EIF4G3: variants seen among roughly 807,000 people sequenced by gnomAD.
EIF4G3 encodes eIF-4-gamma 3.
A neutral mutation model predicts 186.4 loss-of-function variants in EIF4G3; 34 were observed. The ratio of observed to expected loss-of-function variants is 0.18; its 90% CI spans 0.14 to 0.24. EIF4G3 has a LOEUF of 0.24. Among genes scored for constraint, EIF4G3 ranks in the 10% least tolerant of loss-of-function variants. The pLI is 1.00. For synonymous variants in EIF4G3, 673 were observed against 679.5 expected, an observed-to-expected ratio of 0.99 and a Z score of 0.15; for missense variants, 1,536 against 1,948.5, an observed-to-expected ratio of 0.79 and a Z score of 3.99.
intron 2 of EIF4G3, among the ~76,000 whole-genome samples, chr1:21,163,822 A>C (rs1459015512): frequency 2.6e-5 from 4 of 152,108 alleles, no homozygotes; most frequent in Admixed American, 1.3e-4. Context: ...CCCAGGCTGG[A>C]GTACAGTGGC....
chr1:20,998,864 G>A, intron 6 of EIF4G3: 2 of 426,650 alleles, frequency 4.7e-6, no homozygotes, highest in South Asian at 1.7e-5. Context: ...TATATTTAAG[G>A]AGCAAAAATA....
Position 21,024,675 on chromosome 1 carries a change from A to G in EIF4G3, c.-66-21867T>C, listed in dbSNP as rs544957704. On this transcript the variant is annotated intron_variant, in intron 4 of 36. Coordinates refer to ENST00000602326, the MANE Select transcript of EIF4G3 (RefSeq NM_001391906.1). ...GGCGGTGCAAGATGTGCTTTGTTAA[A>G]CAGATGCCTGAAGGCAGCATGCTCG... 4.8e-4 allele frequency among the ~76,000 whole-genome samples: 72 copies of G among 150,412 alleles called. No homozygotes were observed. In the East Asian group the frequency reaches 0.013, roughly 28 times the overall value.
Position 21,074,437 on chromosome 1 carries a change from C to T in EIF4G3, c.-196+14701G>A, listed in dbSNP as rs142054002. Reference sequence around the variant, plus strand: ...AGAATGCCTAACATTATGAAAATATCTAAATGCTATCATCTCGTATTTAAA... The same window carrying T: ...AGAATGCCTAACATTATGAAAATATTTAAATGCTATCATCTCGTATTTAAA... On this transcript the variant is annotated intron_variant, in intron 3 of 36. Transcript: ENST00000602326. Among the ~76,000 whole-genome samples the T allele has an allele frequency of 7.2e-3, 1,098 of 152,186 alleles. 8 individuals are homozygous for T. Among genetic ancestry groups the T allele is most frequent in the Non-Finnish European group, 0.012 (810 of 68,006 alleles).
intron 2 of EIF4G3, among the ~76,000 whole-genome samples, chr1:21,096,164 C>T (rs1253975233): frequency 6.6e-6 from 1 of 152,138 alleles, no homozygotes; most frequent in Non-Finnish European, 1.5e-5. Context: ...CAGAAGATGA[C>T]TGCATAAAGA....
chr1:20,831,044 C>T (rs540058943), intron 30 of EIF4G3, among the ~76,000 whole-genome samples: 1 of 152,278 alleles, frequency 6.6e-6, no homozygotes, highest in African/African-American at 2.4e-5. Flanking sequence ...TACATCATAC[C>T]CTTGCCTCTT....
At chr1:20,949,919 ACT>A (rs1491556272) in intron 13 of EIF4G3, 82 bp downstream of exon 13, 3 of 1,139,870 alleles carry the variant, frequency 2.6e-6, no homozygotes, top group Middle Eastern at 2.2e-4. Flanking sequence ...TGGATGCTGT[ACT>A]CTTACTCTTG....
intron 10 of EIF4G3, among the ~76,000 whole-genome samples, chr1:20,975,840 CTATT>C (rs1195506194): frequency 6.6e-6 from 1 of 151,812 alleles, no homozygotes; most frequent in Admixed American, 6.6e-5. Context: ...TAGTCCACCA[CTATT>C]TATTTTTTTA....
chr1:20,815,406 C>CT (rs2060345150), intron 34 of EIF4G3, among the ~76,000 whole-genome samples: 1 of 143,578 alleles, frequency 7.0e-6, no homozygotes, highest in African/African-American at 2.6e-5. Flanking sequence ...CGCCCATCGT[C>CT]TGAGTGGGGA....
chr1:20,825,144 A>G lies in EIF4G3; in HGVS notation c.4324T>C (p.Phe1442Leu). 6.2e-7 allele frequency: 1 copy of G among 1,613,448 alleles called. No homozygotes were observed. The highest frequency in any genetic ancestry group is 8.5e-7 in the Non-Finnish European group (1 of 1,179,712). The change falls in exon 33 of 37, where the codon TTT becomes CTT. Residue 1442 changes from phenylalanine to leucine, a missense_variant. Around this residue, in one of 11 missense-constraint regions of EIF4G3, gnomAD observed 395 missense variants for 498.9 expected, o/e 0.79. Transcript: ENST00000602326. The part of the protein sequence containing the change: ...WREADLSWKD[F>L]LPEGEDVHNF... ...TGTACATCTTCTCCTTCTGGTAAAA[A>G]GTCCTTCCAGCTGAGGTCAGCCTCC...
chr1:20,820,701 C>T (rs2154546004), intron 33 of EIF4G3, among the ~76,000 whole-genome samples: 1 of 152,182 alleles, frequency 6.6e-6, no homozygotes, highest in East Asian at 1.9e-4. Flanking sequence ...CTGGACTCAG[C>T]CAGAACAGGG....
intron 7 of EIF4G3, among the ~76,000 whole-genome samples, chr1:20,995,068 T>A (rs1331837020): frequency 6.6e-6 from 1 of 152,210 alleles, no homozygotes; most frequent in Non-Finnish European, 1.5e-5. Flanking sequence ...AAATCAACCT[T>A]TTCTCACAGA....
rs1169878368 is a variant in EIF4G3 at position 21,089,522 on chromosome 1, TG to T, written c.-271-310del. Among the ~76,000 whole-genome samples, 11 of 152,230 alleles carry T rather than the reference TG, an allele frequency of 7.2e-5. No individual in the cohort carries two copies. The East Asian group carries it at 1.9e-3, about 27-fold the overall frequency. On this transcript the variant is annotated intron_variant, in intron 2 of 36. Coordinates refer to ENST00000602326, the MANE Select transcript of EIF4G3 (RefSeq NM_001391906.1). ...TTACTTTGTACTAAAAATAACTGGC[TG>T]GGCACAGTGGCTCAAGCCTATAATC...
intron 4 of EIF4G3, among the ~76,000 whole-genome samples, chr1:21,007,862 T>C (rs1469003786): frequency 6.6e-6 from 1 of 152,212 alleles, no homozygotes; most frequent in African/African-American, 2.4e-5. Context: ...GTGTACAGGA[T>C]ACAACTTATA....
At chr1:21,158,293 A>G (rs561804714) in intron 2 of EIF4G3, among the ~76,000 whole-genome samples, 1 of 146,094 alleles carries the variant, frequency 6.8e-6, no homozygotes, top group Admixed American at 7.1e-5. Flanking sequence ...CACCCACCTC[A>G]GCCTCCTGAG....
chr1:21,083,437 C>T (rs2095857567), intron 3 of EIF4G3, among the ~76,000 whole-genome samples: 1 of 151,608 alleles, frequency 6.6e-6, no homozygotes, highest in Non-Finnish European at 1.5e-5. Flanking sequence ...CTTGGCATGC[C>T]AAAGTGCTAG....
intron 30 of EIF4G3, among the ~76,000 whole-genome samples, chr1:20,839,391 G>C (rs1009639675): frequency 1.3e-5 from 2 of 152,216 alleles, no homozygotes; most frequent in Non-Finnish European, 2.9e-5. Context: ...GATTACAGGC[G>C]TGAGTCACCA....
chr1:21,106,908 C>G lies in EIF4G3; in HGVS notation c.-271-17695G>C, dbSNP rs11802211. Among the ~76,000 whole-genome samples the G allele has an allele frequency of 6.8e-3, 1,041 of 152,244 alleles. 13 individuals carry two copies. Among genetic ancestry groups the G allele is most frequent in the African/African-American group, 0.023 (959 of 41,534 alleles). ...AATACTCTTCACACTTTACACTCTACTGTTGACACATCAGGACAAGGGCAA... is the reference window on the plus strand; with the variant it reads ...AATACTCTTCACACTTTACACTCTAGTGTTGACACATCAGGACAAGGGCAA... On this transcript the variant is annotated intron_variant, in intron 2 of 36. Transcript: ENST00000602326.
At chr1:20,871,038 T>A (rs1241496500) in intron 20 of EIF4G3, among the ~76,000 whole-genome samples, 1 of 152,102 alleles carries the variant, frequency 6.6e-6, no homozygotes, top group Non-Finnish European at 1.5e-5. Context: ...TATATCAATT[T>A]CCTCTATAAA....
intron 4 of EIF4G3, among the ~76,000 whole-genome samples, chr1:21,036,814 G>A (rs546779896): frequency 1.3e-5 from 2 of 152,148 alleles, no homozygotes. Flanking sequence ...CCAGGAGGTA[G>A]AGGTTGCAAT....
Sources: allele counts gnomAD v4.1 joint callset (sites outside exome capture counted in the v4.1 genomes callset), GRCh38; gene constraint gnomAD v4.1.1; regional missense constraint gnomAD v4.1.1; transcripts MANE v1.5; gene names NCBI Gene and HGNC (gene_info 2026-07-23, HGNC 2026-07-21).